Variants in NLGN1 observed in about 807,000 individuals in gnomAD.
The protein encoded by NLGN1 is neuroligin-1.
NLGN1 carries 12 observed loss-of-function variants against 65.5 expected under a neutral mutation model. The ratio of observed to expected loss-of-function variants is 0.18; its 90% CI spans 0.12 to 0.30. NLGN1 has a LOEUF of 0.30. Ranked by LOEUF, NLGN1 falls within the 10% of genes least tolerant of loss-of-function variation. The pLI is 1.00. For missense variants in NLGN1, 750 were observed against 1,007.1 expected (o/e 0.74, Z 3.46); for synonymous variants, 350 against 359.5 (o/e 0.97, Z 0.30).
intron 4 of NLGN1, among the ~76,000 whole-genome samples, chr3:173,876,906 G>A (rs1381566390): frequency 6.6e-6 from 1 of 152,084 alleles, no homozygotes; most frequent in African/African-American, 2.4e-5. Flanking sequence ...GAATTGCAAA[G>A]AATTAATACA....
At position 173,590,036 on chromosome 3, in the gene NLGN1, A is replaced by T. The variant is rs568693098; in HGVS notation, c.-320-14243A>T. 2.6e-5 allele frequency among the ~76,000 whole-genome samples: 4 copies of T among 152,262 alleles called. No homozygotes were observed. The South Asian group carries it at 8.3e-4, about 32-fold the overall frequency. ...ATTAGTAAAAGTTTTTTTCCATGTG[A>T]CAACCACCACTTCTATGACAGAACT... On this transcript the variant is annotated intron_variant, in intron 2 of 6. Coordinates refer to ENST00000457714, the Ensembl canonical transcript of NLGN1.
intron 4 of NLGN1, among the ~76,000 whole-genome samples, chr3:173,963,089 CT>C (rs2152351458): frequency 1.3e-5 from 2 of 152,148 alleles, no homozygotes; most frequent in African/African-American, 4.8e-5. Flanking sequence ...TACACTCTTG[CT>C]GTGTTCCAGG....
chr3:174,280,892 G>C lies in NLGN1; in HGVS notation c.2061G>C (p.Leu687=). Residue 687 remains leucine, a synonymous_variant, in exon 7 of 7, where the codon CTG becomes CTC. Transcript: ENST00000457714. This position sits in a 1 kb window ranked among gnomAD's most constrained non-coding sequence, Gnocchi z 4.9. ...CTATTGCAGTTGGAGCATCACTGCT[G>C]TTTCTGAACATCTTGGCCTTTGCAG... 6.2e-7 allele frequency: 1 copy of C among 1,613,400 alleles called. No homozygotes were observed. The highest frequency in any genetic ancestry group is 8.5e-7 in the Non-Finnish European group (1 of 1,179,614).
intron 2 of NLGN1, among the ~76,000 whole-genome samples, chr3:173,534,892 C>T (rs2149197682): frequency 6.6e-6 from 1 of 152,306 alleles, no homozygotes; most frequent in Non-Finnish European, 1.5e-5. Context: ...TTGATTCATG[C>T]TTTTAATTGA....
chr3:173,637,559 A>G (rs1015269260), intron 3 of NLGN1, among the ~76,000 whole-genome samples: 2 of 152,186 alleles, frequency 1.3e-5, no homozygotes, highest in Non-Finnish European at 2.9e-5. Context: ...AAAGCCCACA[A>G]TATAATGAGA....
At chr3:174,246,392 A>T (rs1412888728) in intron 4 of NLGN1, among the ~76,000 whole-genome samples, 5 of 152,182 alleles carry the variant, frequency 3.3e-5, no homozygotes, top group Non-Finnish European at 5.9e-5. Context: ...ATTATTCTTG[A>T]GGAAAAACTT....
At chr3:174,173,348 A>G (rs760740983) in intron 4 of NLGN1, among the ~76,000 whole-genome samples, 2 of 152,028 alleles carry the variant, frequency 1.3e-5, no homozygotes, top group Non-Finnish European at 2.9e-5. Flanking sequence ...TATTATGTCA[A>G]ATAATACTGG....
chr3:174,222,446 A>G (rs1255291904), intron 4 of NLGN1, among the ~76,000 whole-genome samples: 2 of 152,160 alleles, frequency 1.3e-5, no homozygotes, highest in African/African-American at 4.8e-5. Context: ...AAGTTTTCCA[A>G]ACTTTTATCC....
intron 4 of NLGN1, among the ~76,000 whole-genome samples, chr3:174,199,223 T>A (rs1577326144): frequency 6.6e-6 from 1 of 152,246 alleles, no homozygotes; most frequent in East Asian, 1.9e-4. Context: ...GAGTATGCAA[T>A]GCTTTGACAA....
chr3:173,725,908 G>T (rs1049031843), intron 3 of NLGN1, among the ~76,000 whole-genome samples: 2 of 152,088 alleles, frequency 1.3e-5, no homozygotes, highest in Admixed American at 1.3e-4. Context: ...TGCTGCCGCT[G>T]TTCCTTGCCA....
downstream of NLGN1, among the ~76,000 whole-genome samples, chr3:174,287,813 C>G (rs1561491495): frequency 6.6e-6 from 1 of 151,372 alleles, no homozygotes; most frequent in Non-Finnish European, 1.5e-5. Context: ...GACCTCTTCT[C>G]CAAGGGGGTA....
At chr3:173,529,457 A>G (rs190027315) in intron 2 of NLGN1, among the ~76,000 whole-genome samples, 3 of 152,312 alleles carry the variant, frequency 2.0e-5, no homozygotes, top group African/African-American at 7.2e-5. Context: ...CACAAGCACC[A>G]GACTTAAGGG....
intron 1 of NLGN1, among the ~76,000 whole-genome samples, chr3:173,408,898 C>T (rs954941664): frequency 1.7e-4 from 23 of 133,660 alleles, no homozygotes; most frequent in Admixed American, 3.2e-4. Context: ...GGCAACAGAG[C>T]GAGACTCTGT....
chr3:174,187,945 A>G (rs753711629), intron 4 of NLGN1, among the ~76,000 whole-genome samples: 1 of 152,036 alleles, frequency 6.6e-6, no homozygotes. Context: ...CTCTTAGCAC[A>G]TAGTAAGTAC....
intron 4 of NLGN1, among the ~76,000 whole-genome samples, chr3:174,011,278 T>A (rs1386699837): frequency 6.6e-6 from 1 of 152,160 alleles, no homozygotes; most frequent in Non-Finnish European, 1.5e-5. Flanking sequence ...TAAATTGGCT[T>A]TAGTGTTTGT....
At chr3:173,710,507 A>G (rs1290126821) in intron 3 of NLGN1, among the ~76,000 whole-genome samples, 1 of 152,192 alleles carries the variant, frequency 6.6e-6, no homozygotes, top group Admixed American at 6.5e-5. Context: ...TACTAAAAGC[A>G]AGTCATATTG....
intron 3 of NLGN1, among the ~76,000 whole-genome samples, chr3:173,686,790 T>TA (rs1764742962): frequency 6.6e-6 from 1 of 151,826 alleles, no homozygotes; most frequent in African/African-American, 2.4e-5. Flanking sequence ...CCATCTCTAC[T>TA]AAAAATACAA....
At chr3:174,101,910 A>G (rs1712596675) in intron 4 of NLGN1, among the ~76,000 whole-genome samples, 2 of 152,194 alleles carry the variant, frequency 1.3e-5, no homozygotes, top group Non-Finnish European at 2.9e-5. Flanking sequence ...CCTATTTCCA[A>G]TCGGGAGATC....
chr3:173,890,168 G>A (rs1340450399), intron 4 of NLGN1, among the ~76,000 whole-genome samples: 2 of 152,064 alleles, frequency 1.3e-5, no homozygotes, highest in South Asian at 2.1e-4. Flanking sequence ...GCATTAACTT[G>A]GGTTGCAGGA....
Sources: gnomAD v4.1 joint callset for allele counts (sites outside exome capture counted in the v4.1 genomes callset) on GRCh38, gnomAD v4.1.1 for gene constraint, Gnocchi (gnomAD v3.1) non-coding constraint, MANE v1.5 for transcripts, NCBI Gene and HGNC (gene_info 2026-07-23, HGNC 2026-07-21) for gene names.